Variants in STARD8 observed in about 807,000 individuals in gnomAD.
The protein encoded by STARD8 is StAR related lipid transfer domain containing 8.
A neutral mutation model predicts 69.4 loss-of-function variants in STARD8; 25 were observed. That is an observed-to-expected ratio of 0.36 (90% CI 0.26 to 0.50). The LOEUF (loss-of-function observed/expected upper bound fraction) is 0.50, where lower values mean the gene tolerates loss of function less well. STARD8 is among the 20% of genes least tolerant of loss of function. The pLI is 0.96. For synonymous variants in STARD8, 389 were observed against 374.6 expected (o/e 1.04, Z -0.45); for missense variants, 921 against 932.5 (o/e 0.99, Z 0.16).
chrX:68,678,843 A>G (rs2079783274), intron 2 of STARD8, among the ~76,000 whole-genome samples: 1 of 112,343 alleles, frequency 8.9e-6, no homozygotes, highest in African/African-American at 3.2e-5. Context: ...CTGGGAAACA[A>G]TACACGTACT....
At chrX:68,720,569 C>A in intron 8 of STARD8, 146 bp downstream of exon 8, 1 of 710,483 alleles carries the variant, frequency 1.4e-6, no homozygotes, top group Non-Finnish European at 2.0e-6. Context: ...CTTTGCTGTT[C>A]TCAGCAAGGA....
intron 1 of STARD8, among the ~76,000 whole-genome samples, chrX:68,660,227 C>T (rs953308944): frequency 8.9e-6 from 1 of 111,792 alleles, no homozygotes; most frequent in South Asian, 3.8e-4. Context: ...TGCTCTTTCC[C>T]AGCTGGGATT....
intron 1 of STARD8, among the ~76,000 whole-genome samples, chrX:68,653,476 C>T (rs2079588235): frequency 3.2e-5 from 1 of 30,852 alleles, no homozygotes; most frequent in African/African-American, 1.2e-4. Flanking sequence ...CCACACCCCA[C>T]ACACACACCC....
chrX:68,653,340 CCA>C (rs2079583652), intron 1 of STARD8, among the ~76,000 whole-genome samples: 1 of 37,718 alleles, frequency 2.7e-5, no homozygotes, highest in Non-Finnish European at 5.3e-5. Context: ...ACCCCACACA[CCA>C]CACACACCCC....
chrX:68,706,911 T>C (rs1028727354), intron 2 of STARD8, among the ~76,000 whole-genome samples: 14 of 113,019 alleles, frequency 1.2e-4, no homozygotes, highest in African/African-American at 4.5e-4. Context: ...TGAGAAGCAG[T>C]TTGCCAGGGC....
intron 10 of STARD8, 54 bp downstream of exon 10, chrX:68,721,800 C>A: frequency 8.9e-7 from 1 of 1,126,293 alleles, no homozygotes; most frequent in Non-Finnish European, 1.2e-6. Context: ...AATTTGGGCC[C>A]CACTGGACTT....
intron 1 of STARD8, among the ~76,000 whole-genome samples, chrX:68,649,277 G>A (rs762692951): frequency 9.0e-6 from 1 of 111,566 alleles, no homozygotes; most frequent in African/African-American, 3.3e-5. Flanking sequence ...AGGGAACTTC[G>A]TGAGCTAGAG....
chrX:68,650,505 AGGAGG>A (rs1183186681), intron 1 of STARD8, among the ~76,000 whole-genome samples: 1 of 101,457 alleles, frequency 9.9e-6, no homozygotes, highest in African/African-American at 3.6e-5. Flanking sequence ...GAGGAGGAGG[AGGAGG>A]AGGAATAGTA....
At chrX:68,680,614 C>T (rs145202515) in intron 2 of STARD8, among the ~76,000 whole-genome samples, 3 of 112,148 alleles carry the variant, frequency 2.7e-5, no homozygotes, top group African/African-American at 9.7e-5. Flanking sequence ...AATCCTGAGC[C>T]AGACTGCAAG....
intron 2 of STARD8, among the ~76,000 whole-genome samples, chrX:68,684,119 T>C (rs1048280515): frequency 8.9e-6 from 1 of 112,814 alleles, no homozygotes; most frequent in Non-Finnish European, 1.9e-5. Context: ...GCATCTCCTC[T>C]CACAGCACCA....
intron 2 of STARD8, 120 bp from the exon 3 acceptor site, chrX:68,712,794 A>T: frequency 1.5e-6 from 1 of 650,030 alleles, no homozygotes; most frequent in Non-Finnish European, 2.4e-6. Context: ...TGCCATTGCT[A>T]GATCACCAGA....
intron 2 of STARD8, among the ~76,000 whole-genome samples, chrX:68,705,537 C>T (rs781203627): frequency 1.8e-5 from 2 of 112,904 alleles, no homozygotes; most frequent in South Asian, 3.6e-4. Flanking sequence ...AAGGTGTCCA[C>T]GGTGTGCAAA....
intron 2 of STARD8, among the ~76,000 whole-genome samples, chrX:68,701,289 T>C (rs1282225718): frequency 8.8e-6 from 1 of 113,075 alleles, no homozygotes; most frequent in Non-Finnish European, 1.9e-5. Flanking sequence ...GCTATCTTTG[T>C]CTCTCTTTTA....
At chrX:68,650,187 G>A (rs1159444261) in intron 1 of STARD8, among the ~76,000 whole-genome samples, 2 of 111,072 alleles carry the variant, frequency 1.8e-5, no homozygotes, top group Non-Finnish European at 1.9e-5. Flanking sequence ...ATTTTGGGAG[G>A]CCAATGCGAG....
intron 1 of STARD8, among the ~76,000 whole-genome samples, chrX:68,663,816 A>G (rs1166151989): frequency 9.0e-6 from 1 of 111,346 alleles, no homozygotes; most frequent in Admixed American, 9.6e-5. Context: ...AAACTTTCAT[A>G]TCTGTCGCTA....
At chrX:68,672,346 G>T (rs947871398) in intron 2 of STARD8, among the ~76,000 whole-genome samples, 3 of 111,878 alleles carry the variant, frequency 2.7e-5, no homozygotes, top group Non-Finnish European at 3.8e-5. Context: ...GAAGCCCAGA[G>T]AAACTAAGTG....
intron 2 of STARD8, among the ~76,000 whole-genome samples, chrX:68,698,820 C>A (rs935714640): frequency 3.6e-5 from 4 of 111,296 alleles, no homozygotes; most frequent in Non-Finnish European, 5.7e-5. Context: ...GTGGGTAGGG[C>A]AGTTGGCAGG....
rs139019961 is a variant in STARD8 at position 68,718,721 on chromosome X, A to G, written c.1715+92A>G. ...TTTCTCAGTCATGAGGCCCAGGGCTAAGTGCTTGGCGGCTGCGTTATCCCC... is the reference window on the plus strand; with the variant it reads ...TTTCTCAGTCATGAGGCCCAGGGCTGAGTGCTTGGCGGCTGCGTTATCCCC... On this transcript the variant is annotated intron_variant, in intron 6 of 14. Transcript: ENST00000374599. 3,684 of 1,098,313 alleles carry G rather than the reference A, an allele frequency of 3.4e-3. 71 individuals carry two copies. In the African/African-American group the frequency reaches 0.056, roughly 17 times the overall value. 90.5% of individuals were successfully genotyped at this position (1,098,313 alleles called of 1,213,427 possible). A position where few individuals can be genotyped will look rare whatever the true frequency, so the allele number is the denominator to read the frequency against.
chrX:68,694,649 A>G (rs749297687), intron 2 of STARD8, among the ~76,000 whole-genome samples: 1 of 111,252 alleles, frequency 9.0e-6, no homozygotes, highest in African/African-American at 3.3e-5. Context: ...TGATTTCAGT[A>G]TCTAAAGGGC....
Sources: allele counts gnomAD v4.1 joint callset (sites outside exome capture counted in the v4.1 genomes callset), GRCh38; gene constraint gnomAD v4.1.1; transcripts MANE v1.5; gene names NCBI Gene and HGNC (gene_info 2026-07-23, HGNC 2026-07-21).